The following TSPEAR variants were observed in gnomAD, a reference collection of about 807,000 sequenced individuals.
TSPEAR encodes the protein thrombospondin type laminin G domain and EAR repeats, also known as thrombospondin-type laminin G domain and EAR repeat-containing protein.
In TSPEAR, 69 loss-of-function variants were observed where a neutral mutation model predicts 71.6. The observed-to-expected ratio is 0.96, with a 90% confidence interval of 0.79 to 1.18. TSPEAR has a LOEUF of 1.18. Among genes scored for constraint, TSPEAR ranks in the 50% most tolerant of loss-of-function variants. The pLI, the probability that TSPEAR is intolerant of heterozygous loss-of-function variation, is 0.00. For missense variants in TSPEAR, 971 were observed against 894.9 expected, an observed-to-expected ratio of 1.09 and a Z score of -1.09; for synonymous variants, 402 against 387.2, an observed-to-expected ratio of 1.04 and a Z score of -0.45.
At chr21:44,518,196 C>T in intron 9 of TSPEAR, 8 of 398,442 alleles carry the variant, frequency 2.0e-5, no homozygotes, top group South Asian at 1.2e-4. Flanking sequence ...TAAAAAAATT[C>T]CTTTCTGTTT....
In TSPEAR at chr21:44,612,511, C is replaced by T; in HGVS notation, c.83-44506G>A. 1 of 1,610,198 alleles carries T rather than the reference C, an allele frequency of 6.2e-7. No individual in the cohort carries two copies. Among genetic ancestry groups the T allele is most frequent in the Non-Finnish European group, 8.5e-7 (1 of 1,177,182 alleles). On this transcript the variant is annotated intron_variant, in intron 1 of 11. Transcript: ENST00000323084. This position sits in a 1 kb window ranked among gnomAD's most constrained non-coding sequence, Gnocchi z 4.1. ...GCAAGCCCGTGTGCTGCGTGTCCATCTGCTCTGGAGCTTCCTCCCCATGCT... is the reference window on the plus strand; with the variant it reads ...GCAAGCCCGTGTGCTGCGTGTCCATTTGCTCTGGAGCTTCCTCCCCATGCT...
Position 44,670,922 on chromosome 21 carries a change from G to A in TSPEAR, c.82+40511C>T, listed in dbSNP as rs2146281556. Among the ~76,000 whole-genome samples the A allele has an allele frequency of 1.3e-5, 2 of 152,302 alleles. 1 individual carries two copies. Among genetic ancestry groups the A allele is most frequent in the South Asian group, 4.1e-4 (2 of 4,826 alleles). Reference sequence around the variant, plus strand: ...AGCTGGATGCATCAATAAGGCAGGGGTTCATGAACTTGCATGTACCCTGAG... The same window carrying A: ...AGCTGGATGCATCAATAAGGCAGGGATTCATGAACTTGCATGTACCCTGAG... On this transcript the variant is annotated intron_variant, in intron 1 of 11. Transcript: ENST00000323084.
chr21:44,692,771 TG>T (rs757721306), intron 1 of TSPEAR, among the ~76,000 whole-genome samples: 53 of 152,094 alleles, frequency 3.5e-4, no homozygotes, highest in Non-Finnish European at 6.8e-4. Flanking sequence ...GTTGTTAAAA[TG>T]GCAGTACTAC....
intron 1 of TSPEAR, among the ~76,000 whole-genome samples, chr21:44,685,826 G>T (rs1257535575): frequency 3.9e-5 from 6 of 152,136 alleles, no homozygotes; most frequent in Non-Finnish European, 5.9e-5. Flanking sequence ...GTGCAGACAC[G>T]CACCCATTGT....
intron 1 of TSPEAR, among the ~76,000 whole-genome samples, chr21:44,622,567 C>T (rs1982511497): frequency 1.3e-5 from 2 of 152,220 alleles, no homozygotes; most frequent in African/African-American, 2.4e-5. Flanking sequence ...GTGCTCCCAG[C>T]AAACCTTGGC....
intron 1 of TSPEAR, chr21:44,666,696 A>C: frequency 1.2e-6 from 2 of 1,613,678 alleles, no homozygotes. Flanking sequence ...GGGCACACAC[A>C]CAGAAGACTG....
At chr21:44,522,209 G>A in intron 8 of TSPEAR, 97 bp from the exon 9 acceptor site, 2 of 1,273,744 alleles carry the variant, frequency 1.6e-6, no homozygotes, top group Non-Finnish European at 2.3e-6. Context: ...CCCTCCCCGA[G>A]GACCGAAGAC....
At chr21:44,515,513 C>A (rs1555913288) in intron 9 of TSPEAR, 1 of 152,368 alleles carries the variant, frequency 6.6e-6, no homozygotes, top group African/African-American at 2.4e-5. Flanking sequence ...GTCACCCACC[C>A]CTTGGGACTT....
At chr21:44,531,191 C>T (rs782050162) in intron 3 of TSPEAR, 58 bp from the exon 4 acceptor site, 2 of 1,407,018 alleles carry the variant, frequency 1.4e-6, no homozygotes, top group Non-Finnish European at 2.0e-6. Context: ...CCAGTTTACT[C>T]ACAGAAGGAA....
In TSPEAR at chr21:44,615,721, T is replaced by C. The variant is rs587674763; in HGVS notation, c.83-47716A>G. Among the ~76,000 whole-genome samples the C allele has an allele frequency of 2.0e-5, 3 of 152,128 alleles. No homozygotes were observed. The East Asian group carries it at 5.8e-4, about 29-fold the overall frequency. On this transcript the variant is annotated intron_variant, in intron 1 of 11. Coordinates refer to ENST00000323084, the MANE Select transcript of TSPEAR (RefSeq NM_144991.3). Reference sequence around the variant, plus strand: ...GCTGAAGATGGCCAACTTCTATATATATATAGTTATCAAAAGAAGCAGAAC... The same window carrying C: ...GCTGAAGATGGCCAACTTCTATATACATATAGTTATCAAAAGAAGCAGAAC...
chr21:44,611,565 G>A (rs782088184), intron 1 of TSPEAR, among the ~76,000 whole-genome samples: 31 of 152,220 alleles, frequency 2.0e-4, no homozygotes, highest in South Asian at 4.2e-4. Flanking sequence ...CAGGGGCATC[G>A]CACCATAGTT....
chr21:44,555,985 A>T (rs2053521299), intron 2 of TSPEAR, among the ~76,000 whole-genome samples: 1 of 152,250 alleles, frequency 6.6e-6, no homozygotes, highest in African/African-American at 2.4e-5. Flanking sequence ...GGACAAGTTA[A>T]TAGATACAGC....
chr21:44,689,657 A>G lies in TSPEAR; in HGVS notation c.82+21776T>C, dbSNP rs1987025210. ...ATCTCATTGATATTTAAAATTAAAC[A>G]GAGAGGCTTGAAGGTGAGTGTATTA... On this transcript the variant is annotated intron_variant, in intron 1 of 11. Coordinates refer to ENST00000323084, the MANE Select transcript of TSPEAR (RefSeq NM_144991.3). 1.4e-5 allele frequency among the ~76,000 whole-genome samples: 2 copies of G among 141,858 alleles called. 1 individual carries two copies. The highest frequency in any genetic ancestry group is 5.3e-5 in the African/African-American group (2 of 37,844). 93.1% of individuals were successfully genotyped at this position (141,858 alleles called of 152,430 possible). A position where few individuals can be genotyped will look rare whatever the true frequency, so the allele number is the denominator to read the frequency against.
chr21:44,551,274 C>T, intron 2 of TSPEAR: 1 of 1,613,712 alleles, frequency 6.2e-7, no homozygotes, highest in Non-Finnish European at 8.5e-7. Flanking sequence ...GCTGGGCTCA[C>T]AGGCCGCCTG....
chr21:44,616,767 C>A (rs114307599), intron 1 of TSPEAR, among the ~76,000 whole-genome samples: 1 of 152,258 alleles, frequency 6.6e-6, no homozygotes, highest in East Asian at 1.9e-4. Flanking sequence ...ACAGAGTCTG[C>A]GGTGTGACCA....
chr21:44,513,364 AC>A (rs201171747), intron 9 of TSPEAR, among the ~76,000 whole-genome samples: 4,898 of 151,800 alleles, frequency 0.032, 259 homozygotes, highest in African/African-American at 0.11. Context: ...GCAGTGTGGG[AC>A]CCCCCTGTCA....
chr21:44,577,562 C>T (rs939438499), intron 1 of TSPEAR, among the ~76,000 whole-genome samples: 1 of 152,170 alleles, frequency 6.6e-6, no homozygotes, highest in Non-Finnish European at 1.5e-5. Flanking sequence ...CAGAGCAAGA[C>T]TTCACTCATT....
At position 44,527,393 on chromosome 21, in the gene TSPEAR, T is replaced by G. The variant is rs782478995; in HGVS notation, c.1048A>C (p.Thr350Pro). The G allele has an allele frequency of 6.2e-7, 1 of 1,614,062 alleles. No individual in the cohort carries two copies. The stretch of plus-strand genomic sequence containing the variant: ...TCGGTCCACTTGTAGACGGCGGATG[T>G]GGCTTTGCGATTGGCTGTGGCCACA... ...LFVATANRKA[T>P]SAVYKWTEEK... Residue 350 changes from threonine to proline, a missense_variant, in exon 7 of 12, where the codon ACA becomes CCA. Physicochemically the swap from Thr to Pro is conservative, Grantham distance 38. Coordinates refer to ENST00000323084, the MANE Select transcript of TSPEAR (RefSeq NM_144991.3).
chr21:44,666,482 G>A, intron 1 of TSPEAR: 3 of 1,604,714 alleles, frequency 1.9e-6, no homozygotes, highest in Non-Finnish European at 1.7e-6. Context: ...AGATGGGTCT[G>A]CAGAGGACGC....
Sources: allele counts gnomAD v4.1 joint callset (sites outside exome capture counted in the v4.1 genomes callset), GRCh38; gene constraint gnomAD v4.1.1; non-coding constraint Gnocchi (gnomAD v3.1); transcripts MANE v1.5; gene names NCBI Gene and HGNC (gene_info 2026-07-23, HGNC 2026-07-21).